The following TBC1D30 variants were observed in gnomAD, a reference collection of about 807,000 sequenced individuals.
TBC1D30 encodes TBC1 domain family, member 30.
A neutral mutation model predicts 63.2 loss-of-function variants in TBC1D30; 31 were observed. That is an observed-to-expected ratio of 0.49 (90% CI 0.37 to 0.66). The LOEUF (loss-of-function observed/expected upper bound fraction) is 0.66. Ranked by LOEUF, TBC1D30 falls within the 30% of genes least tolerant of loss-of-function variation. The pLI is 0.00. For missense variants in TBC1D30, 810 were observed against 953.6 expected (o/e 0.85, Z 1.98); for synonymous variants, 307 against 361.5 (o/e 0.85, Z 1.71).
At chr12:64,827,980 T>A in intron 2 of TBC1D30, 84 bp downstream of exon 2, 1 of 917,778 alleles carries the variant, frequency 1.1e-6, no homozygotes, top group Non-Finnish European at 1.6e-6. Flanking sequence ...AAATAACGTA[T>A]TCTTTGATAT....
chr12:64,855,242 CT>C (rs1877202131), intron 8 of TBC1D30, among the ~76,000 whole-genome samples: 1 of 151,624 alleles, frequency 6.6e-6, no homozygotes, highest in Admixed American at 6.6e-5. Context: ...TTTCTTGCTA[CT>C]TTTAGGATCA....
upstream of TBC1D30, among the ~76,000 whole-genome samples, chr12:64,823,146 C>T (rs924501025): frequency 6.6e-6 from 1 of 152,070 alleles, no homozygotes; most frequent in Non-Finnish European, 1.5e-5. Flanking sequence ...TTTTCTATTA[C>T]ACTGAAAACA....
At chr12:64,805,327 T>C (rs1178976624) in intron 2 of TBC1D30, among the ~76,000 whole-genome samples, 2 of 152,194 alleles carry the variant, frequency 1.3e-5, no homozygotes, top group Non-Finnish European at 2.9e-5. Flanking sequence ...TCTTTATGTA[T>C]CCATGTTAAT....
At chr12:64,821,419 C>T (rs1009338547), upstream of TBC1D30, among the ~76,000 whole-genome samples, 3 of 152,180 alleles carry the variant, frequency 2.0e-5, no homozygotes, top group Non-Finnish European at 2.9e-5. Flanking sequence ...GAGCTGATTG[C>T]TTGTCCTCTT....
intron 1 of TBC1D30, among the ~76,000 whole-genome samples, chr12:64,765,170 A>G (rs1266752930): frequency 6.6e-6 from 1 of 152,176 alleles, no homozygotes; most frequent in South Asian, 2.1e-4. Context: ...ACAATATGAA[A>G]TTCACAATGT....
At chr12:64,811,102 CAT>C (rs1441428866) in intron 2 of TBC1D30, among the ~76,000 whole-genome samples, 1 of 152,208 alleles carries the variant, frequency 6.6e-6, no homozygotes, top group Non-Finnish European at 1.5e-5. Context: ...AAGTCTTAGA[CAT>C]ATGGCAAGGG....
Position 64,876,502 on chromosome 12 carries a change from G to A in TBC1D30, c.*714G>A, listed in dbSNP as rs892505211. 1.2e-4 allele frequency: 36 copies of A among 290,082 alleles called. No homozygotes were observed. The highest frequency in any genetic ancestry group is 4.3e-4 in the African/African-American group (20 of 46,026). 18.0% of individuals were successfully genotyped at this position (290,082 alleles called of 1,614,324 possible). A position where few individuals can be genotyped will look rare whatever the true frequency, so the allele number is the denominator to read the frequency against. On this transcript the variant is annotated 3_prime_UTR_variant, in exon 12 of 12. Coordinates refer to ENST00000539867, the MANE Select transcript of TBC1D30 (RefSeq NM_015279.2). ...GGCATATGCTTTACGCAGTTGCTCC[G>A]GACAGCTTGCTCGCGCCACTGAGCT... is the stretch of plus-strand genomic sequence containing the variant.
intron 9 of TBC1D30, among the ~76,000 whole-genome samples, 155 bp downstream of exon 9, chr12:64,864,935 CAA>C (rs778944580): frequency 9.2e-5 from 14 of 151,984 alleles, no homozygotes; most frequent in Non-Finnish European, 1.3e-4. Context: ...GATTTAAACT[CAA>C]GAGAGATTTT....
chr12:64,858,935 G>A (rs2136444900), intron 8 of TBC1D30, among the ~76,000 whole-genome samples: 1 of 152,226 alleles, frequency 6.6e-6, no homozygotes, highest in East Asian at 1.9e-4. Flanking sequence ...GGTGGAGTGA[G>A]TTGGAGGAGA....
chr12:64,768,955 G>A (rs570360721), intron 1 of TBC1D30, among the ~76,000 whole-genome samples: 6 of 152,156 alleles, frequency 3.9e-5, no homozygotes, highest in East Asian at 1.9e-4. Flanking sequence ...TCAGGAGTTC[G>A]AGACCAGTCT....
intron 1 of TBC1D30, chr12:64,781,312 C>T (rs1871272835): frequency 2.8e-6 from 3 of 1,087,094 alleles, no homozygotes; most frequent in Admixed American, 5.7e-5. Flanking sequence ...AGCAGGGTCC[C>T]GGGGGCTTCC....
chr12:64,841,971 A>G (rs1875915273), intron 7 of TBC1D30, among the ~76,000 whole-genome samples: 1 of 152,146 alleles, frequency 6.6e-6, no homozygotes, highest in Non-Finnish European at 1.5e-5. Flanking sequence ...CTTTACAGAA[A>G]TCCCCCAATA....
Position 64,864,786 on chromosome 12 carries a change from G to A in TBC1D30, c.1151+6G>A. The A allele has an allele frequency of 3.9e-6, 6 of 1,523,218 alleles. No individual in the cohort carries two copies. The highest frequency in any genetic ancestry group is 5.3e-6 in the Non-Finnish European group (6 of 1,135,970). 94.4% of individuals were successfully genotyped at this position (1,523,218 alleles called of 1,614,324 possible). A position where few individuals can be genotyped will look rare whatever the true frequency, so the allele number is the denominator to read the frequency against. On this transcript the variant is annotated splice_donor_region_variant and intron_variant, in intron 9 of 11. Coordinates refer to ENST00000539867, the MANE Select transcript of TBC1D30 (RefSeq NM_015279.2). ...AAACCCACCTCAGTTTCTGGGTAAGGTTTTTAAATTCCTTGTTGTTTTCAT... is the reference window on the plus strand; with the variant it reads ...AAACCCACCTCAGTTTCTGGGTAAGATTTTTAAATTCCTTGTTGTTTTCAT...
chr12:64,871,222 A>G (rs567861421), intron 11 of TBC1D30, among the ~76,000 whole-genome samples: 6 of 152,354 alleles, frequency 3.9e-5, no homozygotes, highest in African/African-American at 1.2e-4. Context: ...GTGATATTAT[A>G]ACAGATGTTG....
At chr12:64,866,389 A>G (rs577138239) in intron 9 of TBC1D30, among the ~76,000 whole-genome samples, 1 of 152,296 alleles carries the variant, frequency 6.6e-6, no homozygotes, top group Admixed American at 6.5e-5. Context: ...AATGGGCAGA[A>G]GTTGGACAGA....
chr12:64,856,816 C>T (rs1696661808), intron 8 of TBC1D30, among the ~76,000 whole-genome samples: 1 of 152,156 alleles, frequency 6.6e-6, no homozygotes, highest in African/African-American at 2.4e-5. Context: ...ATACAAAGTT[C>T]TTCCTGCTCT....
intron 1 of TBC1D30, among the ~76,000 whole-genome samples, chr12:64,768,194 T>C (rs1870787296): frequency 6.6e-6 from 1 of 152,180 alleles, no homozygotes; most frequent in African/African-American, 2.4e-5. Flanking sequence ...TCTTTAAAAA[T>C]ATCTTATTAC....
chr12:64,774,058 T>C (rs1444654959), intron 1 of TBC1D30, among the ~76,000 whole-genome samples: 2 of 152,144 alleles, frequency 1.3e-5, no homozygotes, highest in African/African-American at 4.8e-5. Flanking sequence ...TAAAACATCA[T>C]AGGAGCTGAC....
At chr12:64,779,291 C>A (rs890841579), upstream of TBC1D30, 3 of 151,972 alleles carry the variant, frequency 2.0e-5, no homozygotes, top group Admixed American at 6.6e-5. Context: ...TCGTTGAATG[C>A]CAGGGACAAC....
Sources: gnomAD v4.1 joint callset for allele counts (sites outside exome capture counted in the v4.1 genomes callset) on GRCh38, gnomAD v4.1.1 for gene constraint, MANE v1.5 for transcripts, NCBI Gene and HGNC (gene_info 2026-07-23, HGNC 2026-07-21) for gene names.